Variants in EXOC2 observed in about 807,000 individuals in gnomAD.
EXOC2 encodes the protein exocyst complex component 2.
EXOC2 carries 70 observed loss-of-function variants against 131.8 expected under a neutral mutation model. That is an observed-to-expected ratio of 0.53 (90% CI 0.44 to 0.65). EXOC2 has a LOEUF of 0.65. EXOC2 is among the 30% of genes least tolerant of loss of function. The pLI is 0.00. For missense variants in EXOC2, 923 were observed against 1,108.6 expected (o/e 0.83, Z 2.38); for synonymous variants, 411 against 398.4 (o/e 1.03, Z -0.38).
rs17133287 is a variant in EXOC2 at position 610,072 on chromosome 6, G to A, written c.742+26C>T. The A allele has an allele frequency of 1.5e-3, 2,458 of 1,601,828 alleles. 35 individuals carry two copies. In the African/African-American group the frequency reaches 0.029, roughly 19 times the overall value. On this transcript the variant is annotated intron_variant, in intron 7 of 27. Coordinates refer to ENST00000230449, the MANE Select transcript of EXOC2 (RefSeq NM_018303.6). ...AAGCATGTTGTAAAATCCATAAATA[G>A]TTCTGGGTAGTAGGACAAAACTTAC...
intron 23 of EXOC2, among the ~76,000 whole-genome samples, chr6:503,946 T>C (rs1427503728): frequency 6.6e-6 from 1 of 152,224 alleles, no homozygotes; most frequent in African/African-American, 2.4e-5. Context: ...TTCCAATTGC[T>C]TGTTTTCTGT....
intron 1 of EXOC2, among the ~76,000 whole-genome samples, chr6:668,493 C>A (rs1763715791): frequency 6.6e-6 from 1 of 152,200 alleles, no homozygotes. Context: ...ACACCCATCC[C>A]ACCTGCTTCT....
Position 657,689 on chromosome 6 carries a change from A to C in EXOC2, c.-43-19828T>G, listed in dbSNP as rs189518159. Among the ~76,000 whole-genome samples, 196 of 152,290 alleles carry C rather than the reference A, an allele frequency of 1.3e-3. 1 individual carries two copies. The highest frequency in any genetic ancestry group is 4.5e-3 in the African/African-American group (187 of 41,540). ...AAATATTCTCAGACTGGCCTGCAGA[A>C]AGCTACATGAACACTCTAGCCCACC... is the stretch of plus-strand genomic sequence containing the variant. On this transcript the variant is annotated intron_variant, in intron 1 of 27. Transcript: ENST00000230449.
intron 1 of EXOC2, among the ~76,000 whole-genome samples, chr6:666,498 C>T (rs1175581128): frequency 1.0e-5 from 1 of 97,012 alleles, no homozygotes; most frequent in African/African-American, 3.1e-5. Flanking sequence ...AATTGGGAAA[C>T]TTGGTGCTTT....
Position 637,799 on chromosome 6 carries a change from G to A in EXOC2, c.20C>T (p.Pro7Leu). 6.2e-7 allele frequency: 1 copy of A among 1,613,792 alleles called. No homozygotes were observed. Among genetic ancestry groups the A allele is most frequent in the Non-Finnish European group, 8.5e-7 (1 of 1,179,916 alleles). MSRSRQ[P>L]PLVTGISPNE... ...TGGAGAGATGCCGGTCACAAGGGGG[G>A]GTTGTCGTGATCGAGACATTGTGCT... Residue 7 changes from proline to leucine, a missense_variant, in exon 2 of 28, where the codon CCC becomes CTC. Physicochemically the swap from Pro to Leu is moderately conservative, Grantham distance 98. Coordinates refer to ENST00000230449, the MANE Select transcript of EXOC2 (RefSeq NM_018303.6).
At chr6:490,539 ATGAG>A (rs762000613) in intron 26 of EXOC2, among the ~76,000 whole-genome samples, 12 of 152,238 alleles carry the variant, frequency 7.9e-5, no homozygotes, top group South Asian at 2.1e-4. Context: ...GATGCTGGAA[ATGAG>A]TGAGTAAGCA....
intron 1 of EXOC2, among the ~76,000 whole-genome samples, chr6:653,745 A>G (rs184807978): frequency 1.8e-3 from 270 of 152,344 alleles, no homozygotes; most frequent in African/African-American, 5.6e-3. Flanking sequence ...ACACTCAACG[A>G]CACATTTTCA....
intron 2 of EXOC2, among the ~76,000 whole-genome samples, chr6:634,543 T>C (rs1352297218): frequency 6.6e-6 from 1 of 152,240 alleles, no homozygotes; most frequent in African/African-American, 2.4e-5. Flanking sequence ...CAAATCATCT[T>C]TTGTTCCAAC....
At chr6:581,227 C>A (rs372146659) in intron 11 of EXOC2, among the ~76,000 whole-genome samples, 1 of 148,976 alleles carries the variant, frequency 6.7e-6, no homozygotes, top group East Asian at 2.0e-4. Context: ...ACCTGGGAGA[C>A]AGAGATTGCA....
chr6:678,317 A>G (rs967683939), intron 1 of EXOC2, among the ~76,000 whole-genome samples: 1 of 152,244 alleles, frequency 6.6e-6, no homozygotes, highest in African/African-American at 2.4e-5. Flanking sequence ...ATCTTAAAAT[A>G]GGAATAATAA....
chr6:523,599 T>G (rs930087026), intron 23 of EXOC2, among the ~76,000 whole-genome samples: 4 of 152,274 alleles, frequency 2.6e-5, no homozygotes, highest in Admixed American at 2.0e-4. Context: ...TTCATATCTA[T>G]GAATTCAAGT....
intron 6 of EXOC2, among the ~76,000 whole-genome samples, chr6:615,182 G>GGGTGT (rs759049307): frequency 8.3e-6 from 1 of 121,032 alleles, no homozygotes; most frequent in Non-Finnish European, 1.6e-5. Flanking sequence ...TGTGGGTGTG[G>GGGTGT]GTGTGTGTGT....
intron 17 of EXOC2, among the ~76,000 whole-genome samples, chr6:561,324 G>T (rs1261137533): frequency 1.3e-5 from 2 of 152,140 alleles, no homozygotes; most frequent in African/African-American, 4.8e-5. Flanking sequence ...TGGCTGGATA[G>T]AGAGTCCAAG....
At chr6:581,964 G>A (rs1490691988) in intron 11 of EXOC2, among the ~76,000 whole-genome samples, 1 of 152,022 alleles carries the variant, frequency 6.6e-6, no homozygotes, top group African/African-American at 2.4e-5. Flanking sequence ...ATTTTAACAA[G>A]AGAAAAACAG....
At chr6:642,060 C>G (rs1762379346) in intron 1 of EXOC2, among the ~76,000 whole-genome samples, 1 of 151,936 alleles carries the variant, frequency 6.6e-6, no homozygotes, top group East Asian at 1.9e-4. Context: ...TCTCCTCTGA[C>G]ATTCCCCACA....
chr6:563,346 A>G (rs937625259), intron 16 of EXOC2, among the ~76,000 whole-genome samples: 3 of 152,212 alleles, frequency 2.0e-5, no homozygotes, highest in Non-Finnish European at 4.4e-5. Flanking sequence ...GAGGTAATCA[A>G]CTAAGAGGGG....
In EXOC2 at chr6:521,185, G is replaced by A. The variant is rs1333512108; in HGVS notation, c.2380+11284C>T. Among the ~76,000 whole-genome samples, 3 of 137,038 alleles carry A rather than the reference G, an allele frequency of 2.2e-5. No homozygotes were observed. The East Asian group carries it at 6.7e-4, about 31-fold the overall frequency. 89.9% of individuals were successfully genotyped at this position (137,038 alleles called of 152,430 possible). On this transcript the variant is annotated intron_variant, in intron 23 of 27. Transcript: ENST00000230449. ...AGATGAAAACAACCACCCACTGACT[G>A]CCAATACTCACCGTCCACACTCGGA...
intron 17 of EXOC2, among the ~76,000 whole-genome samples, chr6:557,049 C>T (rs1213694832): frequency 2.6e-5 from 4 of 152,148 alleles, no homozygotes; most frequent in African/African-American, 4.8e-5. Flanking sequence ...CAGTCATTTT[C>T]TATCTACATT....
chr6:568,853 G>A (rs900524267), intron 13 of EXOC2, among the ~76,000 whole-genome samples: 1 of 152,122 alleles, frequency 6.6e-6, no homozygotes, highest in Non-Finnish European at 1.5e-5. Context: ...GCTAAATTTT[G>A]CCACAACAAT....
Sources: allele counts gnomAD v4.1 joint callset (sites outside exome capture counted in the v4.1 genomes callset), GRCh38; gene constraint gnomAD v4.1.1; transcripts MANE v1.5; gene names NCBI Gene and HGNC (gene_info 2026-07-23, HGNC 2026-07-21).